Variants in NUDT12 observed in about 807,000 individuals in gnomAD.
The protein encoded by NUDT12 is NAD-capped RNA hydrolase NUDT12.
A neutral mutation model predicts 45.7 loss-of-function variants in NUDT12; 42 were observed. That is an observed-to-expected ratio of 0.92 (90% CI 0.72 to 1.19). The LOEUF (loss-of-function observed/expected upper bound fraction) is 1.19, where lower values mean the gene tolerates loss of function less well. Among genes scored for constraint, NUDT12 ranks in the 50% most tolerant of loss-of-function variants. The pLI is 0.00. For synonymous variants in NUDT12, 206 were observed against 179.7 expected (o/e 1.15, Z -1.17); for missense variants, 590 against 533.1 (o/e 1.11, Z -1.05).
In NUDT12 at chr5:103,552,353, T is replaced by C. The variant is rs769170013; in HGVS notation, c.1142A>G (p.His381Arg). The C allele has an allele frequency of 5.6e-6, 9 of 1,613,980 alleles. No homozygotes were observed. Among genetic ancestry groups the C allele is most frequent in the African/African-American group, 1.3e-5 (1 of 75,048 alleles). The change falls in exon 6 of 7, where the codon CAT (histidine) becomes CGT (arginine). Residue 381 changes from histidine (H) to arginine (R), a missense_variant. Coordinates refer to ENST00000230792, the MANE Select transcript of NUDT12 (RefSeq NM_031438.4). Reference protein sequence around the residue: ...VEEESGVKVGHVQYVACQPWP... With the variant: ...VEEESGVKVGRVQYVACQPWP... Reference sequence around the variant, plus strand: ...TGGTTGACAAGCAACATACTGAACATGGCCAACTTTGACTCCACTTTCCTC... The same window carrying C: ...TGGTTGACAAGCAACATACTGAACACGGCCAACTTTGACTCCACTTTCCTC...
Position 103,559,104 on chromosome 5 carries a change from GCTGGGCCAAATAATC to G in NUDT12, c.556_570del (p.Asp186_Gln190del). 1.2e-6 allele frequency: 2 copies of G among 1,610,458 alleles called. No homozygotes were observed. Among genetic ancestry groups the G allele is most frequent in the Non-Finnish European group, 1.7e-6 (2 of 1,178,420 alleles). ...AGAAAAATCAAGGTGATCTTCTCAGGCTGGGCCAAATAATCCTTTATATCTGTGTAGTTCAGCTGA... is the reference window on the plus strand; with the variant it reads ...AGAAAAATCAAGGTGATCTTCTCAGGCTTTATATCTGTGTAGTTCAGCTGA... On this transcript the variant is annotated inframe_deletion, in exon 3 of 7. Transcript: ENST00000230792.
chr5:103,554,113 G>A (rs1247255639), intron 5 of NUDT12, among the ~76,000 whole-genome samples: 1 of 151,928 alleles, frequency 6.6e-6, no homozygotes, highest in African/African-American at 2.4e-5. Flanking sequence ...TTGAAATTGA[G>A]ATAAAACATA....
In NUDT12 at chr5:103,556,006, C is replaced by A. The variant is rs1748805853; in HGVS notation, c.889G>T (p.Gly297Cys). The A allele has an allele frequency of 1.2e-6, 2 of 1,611,476 alleles. No individual in the cohort carries two copies. Among genetic ancestry groups the A allele is most frequent in the African/African-American group, 2.7e-5 (2 of 74,850 alleles). The change falls in exon 4 of 7, where the codon GGC becomes TGC. Residue 297 changes from glycine (G) to cysteine (C), a missense_variant. Coordinates refer to ENST00000230792, the MANE Select transcript of NUDT12 (RefSeq NM_031438.4). ...CGNATKIEEG[G>C]YKRLCLKEDC... is the part of the protein sequence containing the mutation. The stretch of plus-strand genomic sequence containing the variant: ...TCTTTTAAACATAATCTCTTATAGC[C>A]ACCTTCTTCAATTTTAGTTGCATTT...
At position 103,552,421 on chromosome 5, in the gene NUDT12, T is replaced by G. The variant is rs1283518084; in HGVS notation, c.1079-5A>C. On this transcript the variant is annotated splice_region_variant and splice_polypyrimidine_tract_variant and intron_variant, in intron 5 of 6. Transcript: ENST00000230792. ...CAGCATCTTCTATTGTCTCTCCTAA[T>G]GAAATGGAGCAAAAGAACAAGTTGC... 6.2e-7 allele frequency: 1 copy of G among 1,611,098 alleles called. No homozygotes were observed. Among genetic ancestry groups the G allele is most frequent in the Admixed American group, 1.7e-5 (1 of 59,874 alleles).
intron 2 of NUDT12, 138 bp downstream of exon 2, chr5:103,559,905 A>C: frequency 1.7e-6 from 1 of 597,604 alleles, no homozygotes; most frequent in Non-Finnish European, 2.9e-6. Flanking sequence ...ATTGTGCTAC[A>C]TTTTTACATA....
chr5:103,562,200 T>C (rs1303260869), intron 1 of NUDT12, among the ~76,000 whole-genome samples: 2 of 152,120 alleles, frequency 1.3e-5, no homozygotes, highest in African/African-American at 4.8e-5. Flanking sequence ...TACTGACATG[T>C]AACCCGGGGC....
rs530418563 is a variant in NUDT12, at chr5:103,560,319, T to C, written c.-6-65A>G. 24 of 934,146 alleles carry C rather than the reference T, an allele frequency of 2.6e-5. No homozygotes were observed. In the African/African-American group the frequency reaches 2.8e-4, roughly 11 times the overall value. The allele number at this position is 934,146 out of a possible 1,614,324, so 57.9% of individuals were successfully genotyped here. A position where few individuals can be genotyped will look rare whatever the true frequency, so the allele number is the denominator to read the frequency against. ...ACTGCTTTTTTATCAATGAACAATA[T>C]TGATAAATAGCAATAGAATAATAGC... is the stretch of plus-strand genomic sequence containing the variant. On this transcript the variant is annotated intron_variant, in intron 1 of 6. Coordinates refer to ENST00000230792, the MANE Select transcript of NUDT12 (RefSeq NM_031438.4).
rs1457347718 is a variant in NUDT12 at position 103,560,215 on chromosome 5, T to C, written c.34A>G (p.Ile12Val). 3.1e-6 allele frequency: 5 copies of C among 1,613,756 alleles called. No homozygotes were observed. Among genetic ancestry groups the C allele is most frequent in the Non-Finnish European group, 4.2e-6 (5 of 1,179,774 alleles). ...GCTGAACAGTGAAACTGAGTAACTA[T>C]TTCTTGCTTCAGACTTCTTTTTACA... ...SSVKRSLKQEIVTQFHCSAAE... is the reference protein window; with the variant it reads ...SSVKRSLKQEVVTQFHCSAAE... Residue 12 changes from isoleucine (I) to valine (V), a missense_variant, in exon 2 of 7, where the codon ATA (isoleucine) becomes GTA (valine). By Grantham distance (29) the Ile-to-Val change is conservative. Transcript: ENST00000230792.
Position 103,562,617 on chromosome 5 carries a change from A to G in NUDT12, c.-7+86T>C, listed in dbSNP as rs1323738163. On this transcript the variant is annotated intron_variant, in intron 1 of 6. Transcript: ENST00000230792. ...ACAACTCAGCAGGGCCACGCAGGGC[A>G]GCGCGGGAACCAAAGAGCCCAGGGA... 2.6e-5 allele frequency: 4 copies of G among 152,238 alleles called. No individual in the cohort carries two copies. The East Asian group carries it at 7.7e-4, about 29-fold the overall frequency. 9.4% of individuals were successfully genotyped at this position (152,238 alleles called of 1,614,324 possible). A position where few individuals can be genotyped will look rare whatever the true frequency, so the allele number is the denominator to read the frequency against.
chr5:103,559,342 C>G lies in NUDT12; in HGVS notation c.333G>C (p.Thr111=). The G allele has an allele frequency of 6.2e-7, 1 of 1,613,486 alleles. No individual in the cohort carries two copies. The highest frequency in any genetic ancestry group is 8.5e-7 in the Non-Finnish European group (1 of 1,179,678). The part of the protein sequence containing the change: ...AKGGKKPWFL[T]NEVEECENYF... The stretch of plus-strand genomic sequence containing the variant: ...AATTTTCACATTCTTCCACTTCATT[C>G]GTTAGGAACCAAGGCTTCTTCCCAC... Residue 111 remains threonine, a synonymous_variant, in exon 3 of 7, where the codon ACG becomes ACC. Transcript: ENST00000230792.
chr5:103,551,002 A>T (rs1356777753), intron 6 of NUDT12, 31 bp from the exon 7 acceptor site: 1 of 1,452,428 alleles, frequency 6.9e-7, no homozygotes, highest in Non-Finnish European at 9.7e-7. Flanking sequence ...ATGCATTAGG[A>T]TTTCAAAGCT....
At position 103,559,182 on chromosome 5, in the gene NUDT12, T is replaced by G; in HGVS notation, c.493A>C (p.Asn165His). ...DLNPLVTLGG[N>H]KESFQQPEVR... ...TCTGGCTGTTGGAAACTTTCTTTAT[T>G]GCCACCTAGAGTAACCAAGGGATTT... The change falls in exon 3 of 7, where the codon AAT becomes CAT. Residue 165 changes from asparagine (N) to histidine (H), a missense_variant. Asn to His is a moderately conservative substitution (Grantham distance 68). Transcript: ENST00000230792. 6.4e-7 allele frequency: 1 copy of G among 1,556,380 alleles called. No individual in the cohort carries two copies.
In NUDT12 at chr5:103,549,819, C is replaced by T. The variant is rs1486667206; in HGVS notation, c.*1042G>A. 1 of 152,098 alleles carries T rather than the reference C, an allele frequency of 6.6e-6. No homozygotes were observed. The highest frequency in any genetic ancestry group is 6.6e-5 in the Admixed American group (1 of 15,262). 9.4% of individuals were successfully genotyped at this position (152,098 alleles called of 1,614,324 possible). The stretch of plus-strand genomic sequence containing the variant: ...ATTGTGAACTACTATGTTTTGCTTT[C>T]TCTAGAATCTTACTGATTCAGCTCT... On this transcript the variant is annotated 3_prime_UTR_variant, in exon 7 of 7. Transcript: ENST00000230792.
intron 5 of NUDT12, among the ~76,000 whole-genome samples, chr5:103,553,337 A>AGG (rs1748715206): frequency 1.3e-5 from 2 of 152,266 alleles, no homozygotes; most frequent in Admixed American, 6.5e-5. Context: ...AAAGATAAAC[A>AGG]TCTAAAATTC....
chr5:103,551,854 C>T (rs1218911705), intron 6 of NUDT12, among the ~76,000 whole-genome samples: 1 of 152,062 alleles, frequency 6.6e-6, no homozygotes, highest in Non-Finnish European at 1.5e-5. Context: ...TTGAGAGCTA[C>T]TTGTTTTAAT....
intron 3 of NUDT12, 85 bp downstream of exon 3, chr5:103,558,794 G>T: frequency 1.2e-6 from 1 of 829,588 alleles, no homozygotes; most frequent in Non-Finnish European, 1.9e-6. Flanking sequence ...GAAAAAGAGT[G>T]CCCCTGGAAA....
Position 103,554,757 on chromosome 5 carries a change from G to T in NUDT12, c.1061C>A (p.Ala354Asp). 1 of 1,476,062 alleles carries T rather than the reference G, an allele frequency of 6.8e-7. No homozygotes were observed. Among genetic ancestry groups the T allele is most frequent in the Non-Finnish European group, 9.1e-7 (1 of 1,095,266 alleles). 91.4% of individuals were successfully genotyped at this position (1,476,062 alleles called of 1,614,324 possible). The change falls in exon 5 of 7, where the codon GCT (alanine) becomes GAT (aspartate). Residue 354 changes from alanine (A) to aspartate (D), a missense_variant. Coordinates refer to ENST00000230792, the MANE Select transcript of NUDT12 (RefSeq NM_031438.4). ...TGGCTTACCAGGCTCAATAAATCCA[G>T]CAAGGCAAGTAAACATGCCTGGGGG... ...RFPPGMFTCL[A>D]GFIEPGETIE...
In NUDT12 at chr5:103,550,939, C is replaced by T; in HGVS notation, c.1311G>A (p.Gln437=). 5.6e-6 allele frequency: 9 copies of T among 1,613,740 alleles called. No individual in the cohort carries two copies. Among genetic ancestry groups the T allele is most frequent in the Non-Finnish European group, 7.6e-6 (9 of 1,179,802 alleles). Residue 437 remains glutamine (Q), a synonymous_variant, in exon 7 of 7, where the codon CAG becomes CAA. Transcript: ENST00000230792. The stretch of plus-strand genomic sequence containing the variant: ...CTCGGCTTGGTGGCACAAAGAATGC[C>T]TGCTGCTTCCCTTTGGTCAGAACAT... ...VLDVLTKGKQ[Q]AFFVPPSRAI...
rs555898689 is a variant in NUDT12, at chr5:103,556,525, G to A, written c.797-427C>T. Among the ~76,000 whole-genome samples, 6 of 152,112 alleles carry A rather than the reference G, an allele frequency of 3.9e-5. No homozygotes were observed. The East Asian group carries it at 1.2e-3, about 29-fold the overall frequency. On this transcript the variant is annotated intron_variant, in intron 3 of 6. Coordinates refer to ENST00000230792, the MANE Select transcript of NUDT12 (RefSeq NM_031438.4). The stretch of plus-strand genomic sequence containing the variant: ...AAGGAAATATTACTAGGAAACTGTA[G>A]GAGGCTATCACCACTCTCTTGGTGA...
Sources: gnomAD v4.1 joint callset for allele counts (sites outside exome capture counted in the v4.1 genomes callset) on GRCh38, gnomAD v4.1.1 for gene constraint, MANE v1.5 for transcripts, NCBI Gene and HGNC (gene_info 2026-07-23, HGNC 2026-07-21) for gene names.